FRMPD3: variants seen among roughly 807,000 people sequenced by gnomAD.
The protein encoded by FRMPD3 is FERM and PDZ domain-containing protein 3.
In FRMPD3, 42 loss-of-function variants were observed where a neutral mutation model predicts 97.9. That is an observed-to-expected ratio of 0.43 (90% CI 0.34 to 0.55). The LOEUF (loss-of-function observed/expected upper bound fraction) is 0.55, where lower values mean the gene tolerates loss of function less well. Among genes scored for constraint, FRMPD3 ranks in the 20% least tolerant of loss-of-function variants. The pLI, the probability that FRMPD3 is intolerant of heterozygous loss-of-function variation, is 0.03. For synonymous variants in FRMPD3, 577 were observed against 581.1 expected, an observed-to-expected ratio of 0.99 and a Z score of 0.10; for missense variants, 1,303 against 1,457.7, an observed-to-expected ratio of 0.89 and a Z score of 1.73.
chrX:107,565,694 C>CAA (rs113816307), intron 12 of FRMPD3, among the ~76,000 whole-genome samples: 77 of 68,125 alleles, frequency 1.1e-3, no homozygotes, highest in African/African-American at 3.4e-3. Flanking sequence ...AACCCTGTCT[C>CAA]AAAAAAAAAA....
chrX:107,525,238 T>C (rs1207786623), intron 1 of FRMPD3, among the ~76,000 whole-genome samples: 1 of 111,675 alleles, frequency 9.0e-6, no homozygotes, highest in Non-Finnish European at 1.9e-5. Flanking sequence ...ATGAGTGAGC[T>C]AAGGCTCTGG....
chrX:107,542,870 G>A (rs1921383247), intron 4 of FRMPD3, among the ~76,000 whole-genome samples: 1 of 111,902 alleles, frequency 8.9e-6, no homozygotes, highest in African/African-American at 3.3e-5. Flanking sequence ...GTGGTGGTTT[G>A]AAGTAGCCCC....
At chrX:107,599,971 T>C (rs1024439026) in intron 14 of FRMPD3, among the ~76,000 whole-genome samples, 1 of 111,803 alleles carries the variant, frequency 8.9e-6, no homozygotes, top group African/African-American at 3.3e-5. Context: ...ATCAAAAATA[T>C]TTGAAAAAAA....
intron 1 of FRMPD3, among the ~76,000 whole-genome samples, chrX:107,488,820 T>C (rs1569411505): frequency 9.0e-6 from 1 of 111,183 alleles, no homozygotes; most frequent in Non-Finnish European, 1.9e-5. Flanking sequence ...AATCAAGAAC[T>C]TCTTTTTTTT....
At chrX:107,481,021 T>C (rs1921355604) in intron 1 of FRMPD3, among the ~76,000 whole-genome samples, 1 of 111,439 alleles carries the variant, frequency 9.0e-6, no homozygotes, top group African/African-American at 3.3e-5. Flanking sequence ...CACCCAGCTT[T>C]ACTCTCGAAA....
At position 107,602,376 on chromosome X, in the gene FRMPD3, C is replaced by T. The variant is rs776295627; in HGVS notation, c.4337C>T (p.Pro1446Leu). ...LGPKSRSLES[P>L]TLGDPSYVQV... Reference sequence around the variant, plus strand: ...CCCAAAAGCAGGTCTCTGGAGTCACCGACGCTGGGAGACCCCTCCTACGTC... The same window carrying T: ...CCCAAAAGCAGGTCTCTGGAGTCACTGACGCTGGGAGACCCCTCCTACGTC... The change falls in exon 15 of 15, where the codon CCG becomes CTG. Residue 1446 changes from proline (P) to leucine (L), a missense_variant. Pro to Leu is a moderately conservative substitution (Grantham distance 98, BLOSUM62 -3). This residue lies in a region of FRMPD3 where 764 missense variants were observed against 820.2 expected (regional missense o/e 0.93). Coordinates refer to ENST00000683843, the MANE Select transcript of FRMPD3 (RefSeq NM_001388459.1). 15 of 1,208,753 alleles carry T rather than the reference C, an allele frequency of 1.2e-5. No homozygotes were observed. The highest frequency in any genetic ancestry group is 3.0e-5 in the East Asian group (1 of 33,721).
intron 1 of FRMPD3, among the ~76,000 whole-genome samples, chrX:107,495,947 C>A (rs1198463858): frequency 1.8e-5 from 2 of 112,262 alleles, no homozygotes; most frequent in Admixed American, 1.9e-4. Flanking sequence ...TGGCATCTGT[C>A]AGCTAGGAGT....
Position 107,603,726 on chromosome X carries a change from AGGG to A in FRMPD3, c.*354_*356del. The A allele has an allele frequency of 1.2e-5, 2 of 165,244 alleles. No individual in the cohort carries two copies. Among genetic ancestry groups the A allele is most frequent in the Admixed American group, 7.1e-5 (1 of 14,030 alleles). 13.6% of individuals were successfully genotyped at this position (165,244 alleles called of 1,213,427 possible). ...ATCCGTGTTGGGCGCTGGGGGAGCC[AGGG>A]CCTGAAGCAAGCGGACCCTCAGGCT... On this transcript the variant is annotated 3_prime_UTR_variant, in exon 15 of 15. Coordinates refer to ENST00000683843, the MANE Select transcript of FRMPD3 (RefSeq NM_001388459.1).
In FRMPD3 at chrX:107,603,047, A is replaced by G; in HGVS notation, c.5008A>G (p.Ile1670Val). ...CAGCTTCCAGGTGCTGAGCAGCCTC[A>G]TTGAGACCTTCGTGCGGCTGGTGTT... Reference protein sequence around the residue: ...TGSFQVLSSLIETFVRLVFIV... With the variant: ...TGSFQVLSSLVETFVRLVFIV... Residue 1670 changes from isoleucine to valine, a missense_variant, in exon 15 of 15, where the codon ATT becomes GTT. Physicochemically the swap from Ile to Val is conservative, Grantham distance 29. Transcript: ENST00000683843. 8.3e-7 allele frequency: 1 copy of G among 1,211,057 alleles called. No individual in the cohort carries two copies. The highest frequency in any genetic ancestry group is 1.1e-6 in the Non-Finnish European group (1 of 895,478).
intron 4 of FRMPD3, chrX:107,544,492 A>C (rs1921483492): frequency 9.0e-6 from 1 of 111,718 alleles, no homozygotes; most frequent in Non-Finnish European, 1.9e-5. Context: ...TCGTCTGTCT[A>C]TTCCTGCTGG....
chrX:107,549,225 A>C (rs1252426703), intron 5 of FRMPD3, among the ~76,000 whole-genome samples: 2 of 110,256 alleles, frequency 1.8e-5, no homozygotes, highest in Non-Finnish European at 3.8e-5. Flanking sequence ...AGAGAGGCTG[A>C]GGCAGGAGGA....
Position 107,449,980 on chromosome X carries a change from G to A in FRMPD3, c.-33G>A, listed in dbSNP as rs1162937125. 9.0e-6 allele frequency among the ~76,000 whole-genome samples: 1 copy of A among 111,015 alleles called. No homozygotes were observed. Among genetic ancestry groups the A allele is most frequent in the Non-Finnish European group, 1.9e-5 (1 of 52,510 alleles). On this transcript the variant is annotated 5_prime_UTR_variant, in exon 1 of 15. Transcript: ENST00000683843. The stretch of plus-strand genomic sequence containing the variant: ...AGGAGGAGGAGGAGGAGGAGGAAGA[G>A]GAGGAGGAAGAGGAGGGGGAGGAAG...
intron 8 of FRMPD3, among the ~76,000 whole-genome samples, chrX:107,558,029 G>A (rs1922186564): frequency 9.4e-6 from 1 of 106,683 alleles, no homozygotes; most frequent in Non-Finnish European, 1.9e-5. Flanking sequence ...GTGAATTTTA[G>A]AATCACCATG....
At chrX:107,539,361 C>T (rs1449299497) in intron 4 of FRMPD3, among the ~76,000 whole-genome samples, 3 of 112,188 alleles carry the variant, frequency 2.7e-5, no homozygotes, top group Non-Finnish European at 5.6e-5. Flanking sequence ...ACCAACTAGT[C>T]CTCATGACTG....
At chrX:107,528,435 G>A (rs1006773363) in intron 2 of FRMPD3, among the ~76,000 whole-genome samples, 1 of 111,261 alleles carries the variant, frequency 9.0e-6, no homozygotes, top group African/African-American at 3.3e-5. Flanking sequence ...AAAGGGAGGG[G>A]AGGGAAGGGA....
chrX:107,496,271 T>C (rs986187026), intron 1 of FRMPD3, among the ~76,000 whole-genome samples: 9 of 111,623 alleles, frequency 8.1e-5, no homozygotes, highest in Admixed American at 6.7e-4. Context: ...GTCCTTGGCT[T>C]ATACTTCTGG....
intron 4 of FRMPD3, among the ~76,000 whole-genome samples, chrX:107,541,657 A>T (rs1472042370): frequency 2.7e-5 from 3 of 112,117 alleles, no homozygotes; most frequent in Non-Finnish European, 5.6e-5. Context: ...TTTGGTAGGG[A>T]TAGCAAGGAT....
rs560766539 is a variant in FRMPD3 at position 107,575,796 on chromosome X, C to T, written c.1297-519C>T. 9.8e-5 allele frequency among the ~76,000 whole-genome samples: 11 copies of T among 112,114 alleles called. No individual in the cohort carries two copies. The South Asian group carries it at 4.1e-3, about 42-fold the overall frequency. On this transcript the variant is annotated intron_variant, in intron 12 of 14. Coordinates refer to ENST00000683843, the MANE Select transcript of FRMPD3 (RefSeq NM_001388459.1). ...AGCTGCAGGCCAGAAAGACTTTGGC[C>T]CAAAAGGCAGAGTTACAACTTGATT... is the stretch of plus-strand genomic sequence containing the variant.
rs768882151 is a variant in FRMPD3, at chrX:107,526,518, C to T, written c.-7-64C>T. The T allele has an allele frequency of 4.7e-6, 5 of 1,056,006 alleles. No individual in the cohort carries two copies. In the African/African-American group the frequency reaches 9.3e-5, roughly 20 times the overall value. 87.0% of individuals were successfully genotyped at this position (1,056,006 alleles called of 1,213,427 possible). On this transcript the variant is annotated intron_variant, in intron 1 of 14. Coordinates refer to ENST00000683843, the MANE Select transcript of FRMPD3 (RefSeq NM_001388459.1). ...CCAGAACCCTAACTGGCATCTCTCC[C>T]TGCTGGTTCTGAGGCTTAGTTCCCT...
Sources: gnomAD v4.1 joint callset for allele counts (sites outside exome capture counted in the v4.1 genomes callset) on GRCh38, gnomAD v4.1.1 for gene constraint, gnomAD v4.1.1 regional missense constraint, MANE v1.5 for transcripts, NCBI Gene and HGNC (gene_info 2026-07-23, HGNC 2026-07-21) for gene names.